ERC1: variants seen among roughly 807,000 people sequenced by gnomAD.
ERC1 encodes the protein ELKS/RAB6-interacting/CAST family member 1.
Under a neutral mutation model 132.0 loss-of-function variants are expected in ERC1, and 56 were observed. That is an observed-to-expected ratio of 0.42 (90% CI 0.34 to 0.53). The LOEUF is 0.53. Among genes scored for constraint, ERC1 ranks in the 20% least tolerant of loss-of-function variants. The pLI, the probability that ERC1 is intolerant of heterozygous loss-of-function variation, is 0.03. For missense variants in ERC1, 1,202 were observed against 1,349.9 expected (o/e 0.89, Z 1.72); for synonymous variants, 478 against 476.1 (o/e 1.00, Z -0.05).
chr12:1,233,053 A>G (rs768166225), intron 12 of ERC1, among the ~76,000 whole-genome samples: 20 of 152,204 alleles, frequency 1.3e-4, no homozygotes, highest in Non-Finnish European at 2.4e-4. Context: ...TAATTTATTC[A>G]GGAAAAGTTC....
chr12:1,242,335 T>G (rs2075864280), intron 13 of ERC1, among the ~76,000 whole-genome samples: 1 of 152,164 alleles, frequency 6.6e-6, no homozygotes, highest in Non-Finnish European at 1.5e-5. Context: ...TATTTAGTCA[T>G]CTCCAGCCAG....
intron 8 of ERC1, among the ~76,000 whole-genome samples, chr12:1,179,493 C>CATTTTT (rs1954118555): frequency 7.4e-6 from 1 of 134,762 alleles, no homozygotes. Context: ...TGAGTCTATT[C>CATTTTT]ATTTTTCTTT....
chr12:994,066 CAAAAAAAAAAAA>C lies in ERC1; in HGVS notation c.-157+2762_-157+2773del, dbSNP rs72073964. ...CCTGAGTCACGGCAAAACTCCGTCT[CAAAAAAAAAAAA>C]AAAAAAAAAAAAAAAAAGTGAAGGT... On this transcript the variant is annotated intron_variant, in intron 1 of 18. Transcript: ENST00000360905. 1.7e-4 allele frequency among the ~76,000 whole-genome samples: 11 copies of C among 64,208 alleles called. 1 individual carries two copies. The highest frequency in any genetic ancestry group is 2.5e-4 in the African/African-American group (5 of 20,200). The allele number at this position is 64,208 out of a possible 152,430, so 42.1% of individuals were successfully genotyped here.
At chr12:1,111,585 A>G (rs1045210803) in intron 5 of ERC1, among the ~76,000 whole-genome samples, 3 of 152,084 alleles carry the variant, frequency 2.0e-5, no homozygotes, top group Non-Finnish European at 4.4e-5. Flanking sequence ...CAGTTTTAGA[A>G]ATTAAAAACT....
intron 16 of ERC1, among the ~76,000 whole-genome samples, chr12:1,400,938 T>G (rs1239585785): frequency 6.6e-5 from 7 of 105,978 alleles, no homozygotes; most frequent in African/African-American, 1.2e-4. Flanking sequence ...TTTTTTTTTT[T>G]TTTTTTTTTT....
intron 12 of ERC1, among the ~76,000 whole-genome samples, chr12:1,219,089 T>A (rs1469934770): frequency 6.6e-6 from 1 of 152,016 alleles, no homozygotes; most frequent in Non-Finnish European, 1.5e-5. Flanking sequence ...GCCAGGCTGG[T>A]CTTGAACTAC....
In ERC1 at chr12:1,185,948, T is replaced by C. The variant is rs1955047590; in HGVS notation, c.2157+2527T>C. 2.0e-5 allele frequency among the ~76,000 whole-genome samples: 3 copies of C among 152,216 alleles called. 1 individual carries two copies. In the South Asian group the frequency reaches 6.2e-4, roughly 32 times the overall value. ...ACACCAGTTTAGGGTACAGTTTCGC[T>C]AACACATTAAAATATGTTTCTGCCA... On this transcript the variant is annotated intron_variant, in intron 11 of 18. Transcript: ENST00000360905.
intron 15 of ERC1, among the ~76,000 whole-genome samples, chr12:1,310,705 G>A (rs530305265): frequency 3.9e-5 from 6 of 152,338 alleles, no homozygotes; most frequent in East Asian, 3.9e-4. Flanking sequence ...AAGATTTTCC[G>A]TATTTATCCT....
At chr12:990,830 C>T (rs566550293), upstream of ERC1, among the ~76,000 whole-genome samples, 9 of 151,806 alleles carry the variant, frequency 5.9e-5, no homozygotes, top group African/African-American at 1.9e-4. Flanking sequence ...GAAGCGGCTC[C>T]TCGGGCTTCC....
chr12:1,357,681 T>C (rs940587183), intron 15 of ERC1, among the ~76,000 whole-genome samples: 17 of 152,246 alleles, frequency 1.1e-4, no homozygotes, highest in African/African-American at 4.1e-4. Context: ...TCTGTTCATA[T>C]TACATACACT....
At chr12:1,346,948 CAA>C (rs58842053) in intron 15 of ERC1, among the ~76,000 whole-genome samples, 3 of 106,040 alleles carry the variant, frequency 2.8e-5, no homozygotes, top group African/African-American at 3.9e-5. Context: ...GACTCCGTCT[CAA>C]AAAAAAAAAA....
intron 2 of ERC1, among the ~76,000 whole-genome samples, chr12:1,075,917 G>A (rs1941267224): frequency 6.6e-6 from 1 of 152,144 alleles, no homozygotes; most frequent in Admixed American, 6.5e-5. Flanking sequence ...CCATGTGTCA[G>A]CAGACCCTCA....
At chr12:1,049,154 C>T (rs950154758) in intron 2 of ERC1, among the ~76,000 whole-genome samples, 12 of 152,116 alleles carry the variant, frequency 7.9e-5, no homozygotes, top group African/African-American at 2.7e-4. Flanking sequence ...TCAAGAAACA[C>T]CCCAAGATAA....
chr12:1,132,009 G>A (rs1251076365), intron 7 of ERC1, among the ~76,000 whole-genome samples: 3 of 152,196 alleles, frequency 2.0e-5, no homozygotes, highest in Admixed American at 6.5e-5. Flanking sequence ...ATGACTGTGT[G>A]TGTCCTGCTG....
chr12:1,424,533 A>G (rs902168637), intron 17 of ERC1, among the ~76,000 whole-genome samples: 6 of 152,150 alleles, frequency 3.9e-5, no homozygotes, highest in African/African-American at 1.4e-4. Flanking sequence ...AACCATTGGG[A>G]AAAAAGCAAA....
At chr12:1,031,483 A>G (rs1221355151) in intron 2 of ERC1, among the ~76,000 whole-genome samples, 2 of 152,174 alleles carry the variant, frequency 1.3e-5, no homozygotes, top group African/African-American at 2.4e-5. Flanking sequence ...CACAGGGCCA[A>G]AATTCTTCAG....
intron 15 of ERC1, 78 bp from the exon 16 acceptor site, chr12:1,371,755 G>A: frequency 1.4e-6 from 2 of 1,442,490 alleles, no homozygotes; most frequent in Admixed American, 2.4e-5. Context: ...CCCTCAAAAT[G>A]GGGGTACTGG....
intron 7 of ERC1, among the ~76,000 whole-genome samples, chr12:1,124,227 G>T (rs933485396): frequency 2.6e-5 from 4 of 152,118 alleles, no homozygotes; most frequent in Non-Finnish European, 5.9e-5. Context: ...ACCATGTACT[G>T]GGTCATAAAG....
At chr12:1,461,201 T>A (rs978656515) in intron 18 of ERC1, among the ~76,000 whole-genome samples, 2 of 152,100 alleles carry the variant, frequency 1.3e-5, no homozygotes, top group African/African-American at 4.8e-5. Context: ...TTGTCAATAT[T>A]GTACCCATTT....
Sources: allele counts gnomAD v4.1 joint callset (sites outside exome capture counted in the v4.1 genomes callset), GRCh38; gene constraint gnomAD v4.1.1; transcripts MANE v1.5; gene names NCBI Gene and HGNC (gene_info 2026-07-23, HGNC 2026-07-21).